FAM135B: variants seen among roughly 807,000 people sequenced by gnomAD.
FAM135B encodes the protein family with sequence similarity 135 member B.
In FAM135B, 43 loss-of-function variants were observed where a neutral mutation model predicts 127.7. That is an observed-to-expected ratio of 0.34 (90% CI 0.26 to 0.43). The LOEUF (loss-of-function observed/expected upper bound fraction) is 0.43. FAM135B is among the 20% of genes least tolerant of loss of function. The probability of loss-of-function intolerance (pLI) is 1.00; values close to 1 mark genes in which losing one functional copy is unlikely to be tolerated. For missense variants in FAM135B, 1,558 were observed against 1,725.6 expected (o/e 0.90, Z 1.72); for synonymous variants, 670 against 665.1 (o/e 1.01, Z -0.11).
intron 3 of FAM135B, among the ~76,000 whole-genome samples, chr8:138,310,432 C>T (rs1826592404): frequency 6.6e-6 from 1 of 152,090 alleles, no homozygotes; most frequent in African/African-American, 2.4e-5. Flanking sequence ...TCTTGGACCC[C>T]TCAAGGTGTA....
chr8:138,257,927 G>A (rs190850976), intron 4 of FAM135B, among the ~76,000 whole-genome samples: 81 of 151,542 alleles, frequency 5.3e-4, no homozygotes, highest in African/African-American at 1.7e-3. Flanking sequence ...CAAAACCCTG[G>A]ACTTGGGAGT....
chr8:138,287,031 C>T lies in FAM135B; in HGVS notation c.158-21189G>A, dbSNP rs542007276. ...GGAAAGACCATTTTAAACAAGCTTA[C>T]AGGCAAAAGCTTCAATACACTAAAC... On this transcript the variant is annotated intron_variant, in intron 3 of 19. Coordinates refer to ENST00000395297, the MANE Select transcript of FAM135B (RefSeq NM_015912.4). Among the ~76,000 whole-genome samples the T allele has an allele frequency of 1.7e-3, 261 of 152,324 alleles. 2 individuals carry two copies. The highest frequency in any genetic ancestry group is 2.2e-3 in the Non-Finnish European group (152 of 68,024).
At chr8:138,213,499 T>G (rs1005475907) in intron 7 of FAM135B, among the ~76,000 whole-genome samples, 1 of 144,826 alleles carries the variant, frequency 6.9e-6, no homozygotes, top group Non-Finnish European at 1.5e-5. Context: ...TTCAATTTTA[T>G]GTAATTTCTT....
chr8:138,270,944 C>A (rs1823327914), intron 3 of FAM135B, among the ~76,000 whole-genome samples: 1 of 152,318 alleles, frequency 6.6e-6, no homozygotes, highest in African/African-American at 2.4e-5. Flanking sequence ...TTTTGAACAC[C>A]CTCAAGCTTC....
intron 2 of FAM135B, among the ~76,000 whole-genome samples, chr8:138,323,775 C>G (rs1261417676): frequency 6.6e-6 from 1 of 152,230 alleles, no homozygotes; most frequent in Non-Finnish European, 1.5e-5. Context: ...CACAGACAGT[C>G]TGACTTCTCT....
At chr8:138,219,646 T>C (rs1004965184) in intron 7 of FAM135B, among the ~76,000 whole-genome samples, 1 of 152,206 alleles carries the variant, frequency 6.6e-6, no homozygotes, top group African/African-American at 2.4e-5. Context: ...AGGGTCATCC[T>C]TGTATGTTCT....
chr8:138,195,216 T>C (rs2131110871), intron 9 of FAM135B, 42 bp downstream of exon 9: 1 of 1,596,460 alleles, frequency 6.3e-7, no homozygotes, highest in Non-Finnish European at 8.5e-7. Flanking sequence ...CTTGCAAAAC[T>C]ACTGCCATTC....
intron 1 of FAM135B, among the ~76,000 whole-genome samples, chr8:138,383,663 T>C (rs867869419): frequency 6.6e-6 from 1 of 152,218 alleles, no homozygotes; most frequent in African/African-American, 2.4e-5. Context: ...TCGTTTTTTG[T>C]GTGTGAGCGG....
intron 2 of FAM135B, among the ~76,000 whole-genome samples, chr8:138,345,302 C>T (rs1829334703): frequency 6.6e-6 from 1 of 152,130 alleles, no homozygotes; most frequent in South Asian, 2.1e-4. Flanking sequence ...GGGGAGGCTC[C>T]TCAAACAGGA....
chr8:138,423,282 A>G (rs1275693210), intron 1 of FAM135B, among the ~76,000 whole-genome samples: 7 of 152,194 alleles, frequency 4.6e-5, no homozygotes, highest in East Asian at 1.9e-4. Flanking sequence ...AAGTTAGCGG[A>G]AAAAAAGCCT....
chr8:138,362,022 G>T lies in FAM135B; in HGVS notation c.77+5885C>A, dbSNP rs186171419. ...GTACATAGTAGGTACAGATATTTATGGGGCACATAAGATGTTTTAATATAG... is the reference window on the plus strand; with the variant it reads ...GTACATAGTAGGTACAGATATTTATTGGGCACATAAGATGTTTTAATATAG... On this transcript the variant is annotated intron_variant, in intron 2 of 19. Transcript: ENST00000395297. 4.7e-4 allele frequency among the ~76,000 whole-genome samples: 72 copies of T among 152,100 alleles called. 2 individuals are homozygous for T. The East Asian group carries it at 9.5e-3, about 20-fold the overall frequency.
intron 15 of FAM135B, among the ~76,000 whole-genome samples, chr8:138,145,158 G>A (rs1391062312): frequency 1.3e-5 from 2 of 152,054 alleles, no homozygotes; most frequent in South Asian, 2.1e-4. Flanking sequence ...TGGGAATACA[G>A]GCACACACCA....
intron 1 of FAM135B, among the ~76,000 whole-genome samples, chr8:138,472,760 C>T (rs1456287775): frequency 6.6e-6 from 1 of 152,178 alleles, no homozygotes; most frequent in African/African-American, 2.4e-5. Flanking sequence ...GGCAGCCTGA[C>T]AGCCTCAGCG....
At chr8:138,163,691 A>C (rs1289961090) in intron 12 of FAM135B, among the ~76,000 whole-genome samples, 1 of 152,142 alleles carries the variant, frequency 6.6e-6, no homozygotes, top group East Asian at 1.9e-4. Context: ...CTGTGAGTCC[A>C]TTAAACCTCT....
chr8:138,380,203 T>A (rs1831758408), intron 1 of FAM135B, among the ~76,000 whole-genome samples: 1 of 152,044 alleles, frequency 6.6e-6, no homozygotes, highest in Admixed American at 6.6e-5. Flanking sequence ...TTTCTTTCTT[T>A]CTTTCTTTTT....
chr8:138,179,901 G>C (rs542468188), intron 9 of FAM135B, among the ~76,000 whole-genome samples: 2 of 152,062 alleles, frequency 1.3e-5, no homozygotes, highest in Non-Finnish European at 2.9e-5. Context: ...GGCTGGTCTC[G>C]AACTCCTGGG....
At position 138,204,277 on chromosome 8, in the gene FAM135B, CA is replaced by C. The variant is rs545778647; in HGVS notation, c.670-6609del. Among the ~76,000 whole-genome samples the C allele has an allele frequency of 7.1e-3, 1,084 of 152,328 alleles. 9 individuals are homozygous for C. Among genetic ancestry groups the C allele is most frequent in the Non-Finnish European group, 0.012 (792 of 68,032 alleles). On this transcript the variant is annotated intron_variant, in intron 7 of 19. Transcript: ENST00000395297. ...GTCTTTCTGAATTAACCCTACACAT[CA>C]CCAAGATGCAGGTCAAATGTCACCT... is the stretch of plus-strand genomic sequence containing the variant.
chr8:138,201,631 G>T (rs148341419), intron 7 of FAM135B, among the ~76,000 whole-genome samples: 345 of 152,238 alleles, frequency 2.3e-3, no homozygotes, highest in African/African-American at 7.9e-3. Context: ...AGAATTGCAT[G>T]AAGAGCATTG....
intron 2 of FAM135B, among the ~76,000 whole-genome samples, chr8:138,321,345 A>G (rs546151168): frequency 6.6e-6 from 1 of 152,300 alleles, no homozygotes; most frequent in Non-Finnish European, 1.5e-5. Context: ...CACAGCTGGG[A>G]TGAAGCTGGG....
Sources: allele counts gnomAD v4.1 joint callset (sites outside exome capture counted in the v4.1 genomes callset), GRCh38; gene constraint gnomAD v4.1.1; transcripts MANE v1.5; gene names NCBI Gene and HGNC (gene_info 2026-07-23, HGNC 2026-07-21).